The following GAREM1 variants were observed in gnomAD, a reference collection of about 807,000 sequenced individuals.
GAREM1 encodes the protein GRB2 associated regulator of MAPK1 subtype 1, also known as GRB2-associated and regulator of MAPK protein 1.
In GAREM1, 26 loss-of-function variants were observed where a neutral mutation model predicts 71.3. That is an observed-to-expected ratio of 0.36 (90% CI 0.27 to 0.51). GAREM1 has a LOEUF of 0.51. Among genes scored for constraint, GAREM1 ranks in the 20% least tolerant of loss-of-function variants. The pLI is 0.95. For synonymous variants in GAREM1, 440 were observed against 433.2 expected (o/e 1.02, Z -0.20); for missense variants, 1,026 against 1,103.1 (o/e 0.93, Z 0.99).
At chr18:32,318,962 G>A (rs2047405814) in intron 2 of GAREM1, among the ~76,000 whole-genome samples, 1 of 152,176 alleles carries the variant, frequency 6.6e-6, no homozygotes, top group African/African-American at 2.4e-5. Flanking sequence ...TGAGGAAAAA[G>A]ATTAAGGAAA....
In GAREM1 at chr18:32,308,527, CTT is replaced by C. The variant is rs1344393475; in HGVS notation, c.393+1664_393+1665del. Reference sequence around the variant, plus strand: ...AAAACTACTAACTTTCTAAAAAAAACTTATTTTTTTTTCATTTAGAGAATTCT... The same window carrying C: ...AAAACTACTAACTTTCTAAAAAAAACATTTTTTTTTCATTTAGAGAATTCT... On this transcript the variant is annotated intron_variant, in intron 3 of 5. Transcript: ENST00000269209. 1.1e-4 allele frequency among the ~76,000 whole-genome samples: 16 copies of C among 148,810 alleles called. 2 individuals carry two copies. The highest frequency in any genetic ancestry group is 8.7e-4 in the Admixed American group (13 of 15,014).
intron 1 of GAREM1, among the ~76,000 whole-genome samples, chr18:32,456,674 A>T (rs754965599): frequency 1.3e-5 from 2 of 152,164 alleles, no homozygotes; most frequent in African/African-American, 4.8e-5. Context: ...TGTTATCAAA[A>T]ATGTTTTGGA....
chr18:32,409,138 T>C (rs926090395), intron 1 of GAREM1, among the ~76,000 whole-genome samples: 2 of 152,182 alleles, frequency 1.3e-5, no homozygotes. Flanking sequence ...ACAAGACCAC[T>C]AGGCAACAGA....
At chr18:32,432,464 G>C (rs915271176) in intron 1 of GAREM1, among the ~76,000 whole-genome samples, 1 of 151,972 alleles carries the variant, frequency 6.6e-6, no homozygotes, top group African/African-American at 2.4e-5. Flanking sequence ...ATCAATTAAT[G>C]TTTAAAAATA....
chr18:32,316,542 T>A (rs538063834), intron 2 of GAREM1, among the ~76,000 whole-genome samples: 1 of 152,318 alleles, frequency 6.6e-6, no homozygotes, highest in South Asian at 2.1e-4. Flanking sequence ...CTCCCCAGAC[T>A]CAAGCCATCC....
intron 1 of GAREM1, among the ~76,000 whole-genome samples, chr18:32,462,950 T>C (rs566630354): frequency 1.4e-4 from 21 of 151,088 alleles, no homozygotes; most frequent in Middle Eastern, 3.4e-3. Flanking sequence ...CTGGGGGAGG[T>C]TGGCCATTGG....
At chr18:32,383,025 T>C (rs1308356427) in intron 2 of GAREM1, among the ~76,000 whole-genome samples, 1 of 152,242 alleles carries the variant, frequency 6.6e-6, no homozygotes, top group Non-Finnish European at 1.5e-5. Context: ...ATGTGTCTAC[T>C]GCATTTGGTT....
intron 1 of GAREM1, among the ~76,000 whole-genome samples, chr18:32,449,275 TG>T (rs1364156951): frequency 6.6e-6 from 1 of 152,222 alleles, no homozygotes; most frequent in South Asian, 2.1e-4. Flanking sequence ...CGGATTTGTT[TG>T]GGGGAATATG....
chr18:32,404,973 C>T (rs2048352517), intron 1 of GAREM1, among the ~76,000 whole-genome samples: 1 of 152,062 alleles, frequency 6.6e-6, no homozygotes, highest in South Asian at 2.1e-4. Context: ...TTAATAAGTT[C>T]TAAGATTTCT....
intron 2 of GAREM1, among the ~76,000 whole-genome samples, chr18:32,345,454 T>C (rs1165814523): frequency 1.3e-5 from 2 of 152,180 alleles, no homozygotes; most frequent in East Asian, 1.9e-4. Flanking sequence ...CAAAACCTTA[T>C]GATATAAATT....
chr18:32,301,710 G>A (rs981626090), intron 3 of GAREM1, among the ~76,000 whole-genome samples: 6 of 152,104 alleles, frequency 3.9e-5, no homozygotes, highest in African/African-American at 1.4e-4. Flanking sequence ...TATAAAACCC[G>A]GGACCTTCCC....
Position 32,410,968 on chromosome 18 carries a change from A to C in GAREM1, c.122-17933T>G, listed in dbSNP as rs183236245. On this transcript the variant is annotated intron_variant, in intron 1 of 5. Coordinates refer to ENST00000269209, the MANE Select transcript of GAREM1 (RefSeq NM_001242409.2). The stretch of plus-strand genomic sequence containing the variant: ...CAGGTGAGTGCCACCACGCCCAGCT[A>C]ATTTTTGTATTTTTAGTCAAAATGG... 3.7e-4 allele frequency among the ~76,000 whole-genome samples: 56 copies of C among 152,160 alleles called. 1 individual carries two copies. Among genetic ancestry groups the C allele is most frequent in the Admixed American group, 3.0e-3 (46 of 15,276 alleles).
chr18:32,324,277 G>A (rs2047455272), intron 2 of GAREM1, among the ~76,000 whole-genome samples: 1 of 152,214 alleles, frequency 6.6e-6, no homozygotes, highest in Admixed American at 6.5e-5. Flanking sequence ...CACAGAGTGT[G>A]AGGAGGGTGA....
chr18:32,277,095 G>T (rs1323068063), intron 4 of GAREM1, among the ~76,000 whole-genome samples: 2 of 152,152 alleles, frequency 1.3e-5, no homozygotes, highest in Non-Finnish European at 2.9e-5. Flanking sequence ...AGCAAATGAG[G>T]CGTGAGTCAA....
intron 2 of GAREM1, among the ~76,000 whole-genome samples, chr18:32,370,421 CAA>C (rs57026913): frequency 5.5e-4 from 38 of 69,096 alleles, no homozygotes; most frequent in Admixed American, 1.1e-3. Context: ...AACTCTGTTT[CAA>C]AAAAAAAAAA....
At chr18:32,397,369 A>C (rs928417559) in intron 1 of GAREM1, among the ~76,000 whole-genome samples, 3 of 152,210 alleles carry the variant, frequency 2.0e-5, no homozygotes, top group African/African-American at 7.2e-5. Context: ...AATTGGATAA[A>C]GAGTCAAGAC....
intron 1 of GAREM1, among the ~76,000 whole-genome samples, chr18:32,451,369 T>C (rs2048839241): frequency 6.6e-6 from 1 of 151,582 alleles, no homozygotes; most frequent in African/African-American, 2.4e-5. Context: ...CAATAAACCC[T>C]TGCTGTTTTA....
At chr18:32,394,531 G>T (rs2048232258) in intron 1 of GAREM1, among the ~76,000 whole-genome samples, 1 of 152,164 alleles carries the variant, frequency 6.6e-6, no homozygotes, top group Admixed American at 6.5e-5. Flanking sequence ...TCTGGAAGTG[G>T]AGGTACATTA....
At chr18:32,301,714 CCT>C (rs1430095535) in intron 3 of GAREM1, among the ~76,000 whole-genome samples, 1 of 152,168 alleles carries the variant, frequency 6.6e-6, no homozygotes, top group African/African-American at 2.4e-5. Flanking sequence ...AAACCCGGGA[CCT>C]TCCCTTTGTT....
Sources: allele counts gnomAD v4.1 joint callset (sites outside exome capture counted in the v4.1 genomes callset), GRCh38; gene constraint gnomAD v4.1.1; transcripts MANE v1.5; gene names NCBI Gene and HGNC (gene_info 2026-07-23, HGNC 2026-07-21).